The following FAM81A variants were observed in gnomAD, a reference collection of about 807,000 sequenced individuals.
FAM81A encodes protein FAM81A.
Under a neutral mutation model 46.7 loss-of-function variants are expected in FAM81A, and 19 were observed. The observed-to-expected ratio is 0.41, with a 90% CI of 0.28 to 0.60. FAM81A has a LOEUF of 0.60. FAM81A is among the 20% of genes least tolerant of loss of function. The pLI is 0.34. For synonymous variants in FAM81A, 183 were observed against 152.9 expected, an observed-to-expected ratio of 1.20 and a Z score of -1.45; for missense variants, 377 against 453.5, an observed-to-expected ratio of 0.83 and a Z score of 1.53.
At chr15:59,437,403 A>G (rs1300849741), upstream of FAM81A, among the ~76,000 whole-genome samples, 1 of 152,054 alleles carries the variant, frequency 6.6e-6, no homozygotes, top group African/African-American at 2.4e-5. Flanking sequence ...AGGAAGCACA[A>G]TTATGAGTGA....
chr15:59,411,472 A>G (rs2081120302), intron 2 of FAM81A, among the ~76,000 whole-genome samples: 2 of 152,250 alleles, frequency 1.3e-5, no homozygotes, highest in South Asian at 4.1e-4. Flanking sequence ...AGTATTGATC[A>G]GAATGTATAC....
intron 1 of FAM81A, among the ~76,000 whole-genome samples, chr15:59,456,526 T>C (rs1234039830): frequency 6.6e-6 from 1 of 152,164 alleles, no homozygotes; most frequent in Non-Finnish European, 1.5e-5. Flanking sequence ...CCTCTCCTGT[T>C]TTCCCTCCCC....
intron 1 of FAM81A, among the ~76,000 whole-genome samples, chr15:59,448,222 C>T (rs1596477763): frequency 6.6e-6 from 1 of 152,000 alleles, no homozygotes; most frequent in South Asian, 2.1e-4. Flanking sequence ...ACTAAAAATA[C>T]AAAAATTAGC....
intron 4 of FAM81A, among the ~76,000 whole-genome samples, chr15:59,506,099 C>T (rs1486662575): frequency 6.6e-6 from 1 of 152,084 alleles, no homozygotes; most frequent in Admixed American, 6.5e-5. Context: ...TGACTTTCTC[C>T]CTCAGTCCAC....
chr15:59,439,810 C>G (rs529353257), intron 1 of FAM81A: 4 of 152,324 alleles, frequency 2.6e-5, no homozygotes, highest in East Asian at 3.9e-4. Context: ...ATGAGCCACA[C>G]TACATGGTGC....
At chr15:59,470,998 A>G (rs1397271254) in intron 3 of FAM81A, among the ~76,000 whole-genome samples, 1 of 152,024 alleles carries the variant, frequency 6.6e-6, no homozygotes, top group Non-Finnish European at 1.5e-5. Context: ...AATTTTTTGT[A>G]GAGACAAGGT....
intron 4 of FAM81A, among the ~76,000 whole-genome samples, chr15:59,493,632 G>A (rs1377060539): frequency 6.6e-6 from 1 of 152,024 alleles, no homozygotes; most frequent in East Asian, 1.9e-4. Context: ...CTGTCTGCCA[G>A]GCTGGAGAGC....
intron 3 of FAM81A, among the ~76,000 whole-genome samples, chr15:59,471,524 G>A (rs1263582343): frequency 2.0e-5 from 3 of 151,676 alleles, no homozygotes; most frequent in Admixed American, 1.3e-4. Flanking sequence ...GTGCAGTGGT[G>A]CAATCATAAC....
chr15:59,452,699 C>G (rs1372366665), intron 1 of FAM81A, among the ~76,000 whole-genome samples: 1 of 152,152 alleles, frequency 6.6e-6, no homozygotes, highest in Non-Finnish European at 1.5e-5. Context: ...GACGTGGAAT[C>G]ATGCTCATGA....
intron 2 of FAM81A, among the ~76,000 whole-genome samples, chr15:59,424,921 A>T (rs1310225512): frequency 6.6e-6 from 1 of 152,238 alleles, no homozygotes; most frequent in African/African-American, 2.4e-5. Context: ...AAATCAGATC[A>T]GTTACTCCTC....
chr15:59,402,853 C>T (rs2081078049), intron 2 of FAM81A, among the ~76,000 whole-genome samples: 1 of 152,124 alleles, frequency 6.6e-6, no homozygotes, highest in African/African-American at 2.4e-5. Flanking sequence ...CACGCCCGGC[C>T]TCTATTCCTT....
At chr15:59,490,234 C>G (rs1279674133) in intron 3 of FAM81A, among the ~76,000 whole-genome samples, 3 of 151,908 alleles carry the variant, frequency 2.0e-5, no homozygotes, top group African/African-American at 7.3e-5. Flanking sequence ...ACCCCTCAAG[C>G]ACAGGCAACC....
At chr15:59,472,573 T>A (rs63459460) in intron 3 of FAM81A, among the ~76,000 whole-genome samples, 10 of 127,494 alleles carry the variant, frequency 7.8e-5, no homozygotes, top group Middle Eastern at 3.8e-3. Context: ...TTTTTTTTTT[T>A]AAATGTTTTC....
chr15:59,519,784 C>T (rs1307308123), intron 8 of FAM81A, among the ~76,000 whole-genome samples: 4 of 152,014 alleles, frequency 2.6e-5, no homozygotes, highest in Non-Finnish European at 5.9e-5. Context: ...TGTATATATA[C>T]ACAATTTCTT....
At chr15:59,500,600 C>T (rs187873320) in intron 4 of FAM81A, among the ~76,000 whole-genome samples, 30 of 152,096 alleles carry the variant, frequency 2.0e-4, no homozygotes, top group African/African-American at 7.0e-4. Flanking sequence ...CCATGCCTGG[C>T]ATCTTCTCTC....
chr15:59,401,963 A>G (rs1403827757), intron 1 of FAM81A: 7 of 719,726 alleles, frequency 9.7e-6, no homozygotes, highest in African/African-American at 1.8e-5. Flanking sequence ...AACAGTATCC[A>G]TGGTGTTTAC....
intron 8 of FAM81A, among the ~76,000 whole-genome samples, chr15:59,519,983 C>T (rs936465702): frequency 3.3e-5 from 5 of 152,192 alleles, no homozygotes; most frequent in African/African-American, 1.2e-4. Context: ...TTAGTAACCT[C>T]TATACCAAGC....
chr15:59,441,203 C>G (rs2081293844), intron 1 of FAM81A, among the ~76,000 whole-genome samples: 1 of 152,248 alleles, frequency 6.6e-6, no homozygotes, highest in Non-Finnish European at 1.5e-5. Context: ...TGTTATTCCT[C>G]TTCTCCAGTG....
In FAM81A at chr15:59,427,408, G is replaced by A. The variant is rs143996818; in HGVS notation, c.-78+25050G>A. ...TTACAGGCTTGAGCCACCATGCCTC[G>A]CCTCTTTTAGCTATTTTTAAATGTG... On this transcript the variant is annotated intron_variant, in intron 2 of 4. Transcript: ENST00000558348. 3.9e-5 allele frequency among the ~76,000 whole-genome samples: 6 copies of A among 152,126 alleles called. No individual in the cohort carries two copies. The East Asian group carries it at 7.7e-4, about 20-fold the overall frequency.
Sources: gnomAD v4.1 joint callset for allele counts (sites outside exome capture counted in the v4.1 genomes callset) on GRCh38, gnomAD v4.1.1 for gene constraint, MANE v1.5 for transcripts, NCBI Gene and HGNC (gene_info 2026-07-23, HGNC 2026-07-21) for gene names.